Variants in COL4A6 observed in about 807,000 individuals in gnomAD.
COL4A6 encodes the protein collagen type IV alpha 6 chain, also known as collagen alpha-6(IV) chain.
A neutral mutation model predicts 126.7 loss-of-function variants in COL4A6; 59 were observed. The ratio of observed to expected loss-of-function variants is 0.47; its 90% CI spans 0.38 to 0.58. The LOEUF (loss-of-function observed/expected upper bound fraction) is 0.58. Ranked by LOEUF, COL4A6 falls within the 20% of genes least tolerant of loss-of-function variation. The probability of loss-of-function intolerance (pLI) is 0.00; values close to 1 mark genes in which losing one functional copy is unlikely to be tolerated. For synonymous variants in COL4A6, 547 were observed against 496.6 expected, an observed-to-expected ratio of 1.10 and a Z score of -1.35; for missense variants, 1,285 against 1,337.3, an observed-to-expected ratio of 0.96 and a Z score of 0.61.
chrX:108,280,963 C>G (rs1185963320), intron 3 of COL4A6, among the ~76,000 whole-genome samples: 2 of 111,114 alleles, frequency 1.8e-5, no homozygotes, highest in Admixed American at 9.6e-5. Context: ...GCTAAAAACT[C>G]TCAATAAATT....
chrX:108,425,725 CACACACAA>C (rs1349353103), intron 2 of COL4A6, among the ~76,000 whole-genome samples: 15 of 105,864 alleles, frequency 1.4e-4, no homozygotes, highest in Middle Eastern at 4.9e-3. Flanking sequence ...CAGCACAACA[CACACACAA>C]ACACACACAC....
intron 2 of COL4A6, among the ~76,000 whole-genome samples, chrX:108,395,347 T>C (rs2040941228): frequency 8.9e-6 from 1 of 111,914 alleles, no homozygotes; most frequent in African/African-American, 3.2e-5. Flanking sequence ...GGCTATTCTC[T>C]ATGACAGCAG....
intron 2 of COL4A6, among the ~76,000 whole-genome samples, chrX:108,382,785 A>G (rs1375519224): frequency 9.2e-6 from 1 of 108,720 alleles, no homozygotes; most frequent in Non-Finnish European, 1.9e-5. Context: ...CGCCTCTACT[A>G]AAAATACAAA....
chrX:108,353,838 G>A (rs772360297), intron 2 of COL4A6, among the ~76,000 whole-genome samples: 3 of 112,376 alleles, frequency 2.7e-5, no homozygotes, highest in African/African-American at 9.7e-5. Flanking sequence ...TGACAAGGAG[G>A]CACCATTAAA....
chrX:108,409,811 T>C (rs1289113906), intron 2 of COL4A6, among the ~76,000 whole-genome samples: 1 of 111,797 alleles, frequency 8.9e-6, no homozygotes, highest in Non-Finnish European at 1.9e-5. Flanking sequence ...TGGTATTAGA[T>C]GATCAAGGGT....
chrX:108,366,689 C>T (rs1350031186), intron 2 of COL4A6, among the ~76,000 whole-genome samples: 7 of 111,872 alleles, frequency 6.3e-5, no homozygotes, highest in Non-Finnish European at 1.3e-4. Flanking sequence ...ATGATAGCAT[C>T]AAACTCTGCT....
At chrX:108,203,028 A>G in intron 12 of COL4A6, 47 bp from the exon 13 acceptor site, 1 of 1,068,697 alleles carries the variant, frequency 9.4e-7, no homozygotes, top group Admixed American at 2.2e-5. Flanking sequence ...GAAGCAGTGA[A>G]CGCACAGTAG....
rs766831013 is a variant in COL4A6, at chrX:108,250,589, C to G, written c.145-29215G>C. 6.3e-4 allele frequency among the ~76,000 whole-genome samples: 70 copies of G among 110,314 alleles called. 2 individuals carry two copies. The highest frequency in any genetic ancestry group is 5.2e-3 in the Admixed American group (54 of 10,436). ...CTCGGGAGGACAGGGCCCTTTGTCTCGAAAATCCCTCCCTCCACAATACAA... is the reference window on the plus strand; with the variant it reads ...CTCGGGAGGACAGGGCCCTTTGTCTGGAAAATCCCTCCCTCCACAATACAA... On this transcript the variant is annotated intron_variant, in intron 3 of 44. Transcript: ENST00000334504.
At chrX:108,183,668 G>T in intron 23 of COL4A6, 1 of 792,347 alleles carries the variant, frequency 1.3e-6, no homozygotes, top group Non-Finnish European at 1.6e-6. Flanking sequence ...AACAAAAAAG[G>T]GGTGTTTAGC....
In COL4A6 at chrX:108,179,423, C is replaced by A; in HGVS notation, c.2147G>T (p.Arg716Leu). ...LPELPGFPGPRGEKGLPGFPG... is the reference protein window; with the variant it reads ...LPELPGFPGPLGEKGLPGFPG... ...AAACCCAGGCAAGCCCTTCTCCCCA[C>A]GAGGTCCAGGAAATCCTAAACGTAA... Residue 716 changes from arginine to leucine, a missense_variant, in exon 26 of 45, where the codon CGT (arginine) becomes CTT (leucine). Arg to Leu is a moderately radical substitution (Grantham distance 102, BLOSUM62 -2). Coordinates refer to ENST00000334504, the MANE Select transcript of COL4A6 (RefSeq NM_033641.4). 8.3e-7 allele frequency: 1 copy of A among 1,203,038 alleles called. No individual in the cohort carries two copies. The highest frequency in any genetic ancestry group is 1.8e-5 in the South Asian group (1 of 55,433).
At chrX:108,429,974 C>T (rs1449425930) in intron 2 of COL4A6, among the ~76,000 whole-genome samples, 1 of 111,663 alleles carries the variant, frequency 9.0e-6, no homozygotes, top group African/African-American at 3.3e-5. Context: ...TATGCTCAGC[C>T]TGGCAGTATC....
rs192814600 is a variant in COL4A6 at position 108,338,406 on chromosome X, T to A, written c.64-27578A>T. Among the ~76,000 whole-genome samples the A allele has an allele frequency of 2.3e-3, 257 of 111,856 alleles. 2 individuals are homozygous for A. Among genetic ancestry groups the A allele is most frequent in the African/African-American group, 6.7e-3 (206 of 30,848 alleles). On this transcript the variant is annotated intron_variant, in intron 2 of 44. Coordinates refer to ENST00000334504, the MANE Select transcript of COL4A6 (RefSeq NM_033641.4). ...GTAGAGAGGTCAGAACAAGGAATAGTCTTGGGAATGAAGACTTGTAATCTT... is the reference window on the plus strand; with the variant it reads ...GTAGAGAGGTCAGAACAAGGAATAGACTTGGGAATGAAGACTTGTAATCTT...
Position 108,178,699 on chromosome X carries a change from A to T in COL4A6, c.2500T>A (p.Phe834Ile), listed in dbSNP as rs1231997219. 3 of 1,209,641 alleles carry T rather than the reference A, an allele frequency of 2.5e-6. No homozygotes were observed. The change falls in exon 27 of 45, where the codon TTC becomes ATC. Residue 834 changes from phenylalanine to isoleucine, a missense_variant. Phe to Ile is a conservative substitution (Grantham distance 21). Transcript: ENST00000334504. ...AAGGACCTACCTGAGATGCCTGGGA[A>T]GCCTGGTGCTCCTGGGAGCCCAGAT... ...GKSGLPGAPG[F>I]PGISGHPGKK...
chrX:108,161,602 A>AAT lies in COL4A6; in HGVS notation c.4333+16_4333+17insAT. ...CCATCCCCGCCCCGCCCGCCTCCTA[A>AAT]TGTGGCATCATCAGACCTTCAAATC... On this transcript the variant is annotated intron_variant, in intron 42 of 44. Transcript: ENST00000334504. The AAT allele has an allele frequency of 2.2e-6, 2 of 907,839 alleles. No individual in the cohort carries two copies. The highest frequency in any genetic ancestry group is 3.0e-6 in the Non-Finnish European group (2 of 664,913). The allele number at this position is 907,839 out of a possible 1,213,427, so 74.8% of individuals were successfully genotyped here. A position where few individuals can be genotyped will look rare whatever the true frequency, so the allele number is the denominator to read the frequency against.
intron 2 of COL4A6, among the ~76,000 whole-genome samples, chrX:108,421,987 G>T (rs2063988338): frequency 8.9e-6 from 1 of 112,015 alleles, no homozygotes; most frequent in Admixed American, 9.5e-5. Flanking sequence ...TAGAAAAATG[G>T]CTACATAGCA....
chrX:108,247,059 GTCTGTTCC>G (rs1262075310), intron 3 of COL4A6, among the ~76,000 whole-genome samples: 3 of 111,189 alleles, frequency 2.7e-5, no homozygotes, highest in Non-Finnish European at 3.8e-5. Flanking sequence ...ATAGGTTCTA[GTCTGTTCC>G]TCTGTTCCTC....
intron 3 of COL4A6, among the ~76,000 whole-genome samples, chrX:108,287,906 C>A (rs946134970): frequency 9.0e-6 from 1 of 111,719 alleles, no homozygotes; most frequent in African/African-American, 3.3e-5. Context: ...AAGCTGGGGT[C>A]ATCATAGGGC....
intron 41 of COL4A6, among the ~76,000 whole-genome samples, chrX:108,162,390 GGAAGAAGAAAA>G (rs1358135280): frequency 5.6e-5 from 6 of 106,328 alleles, no homozygotes; most frequent in Non-Finnish European, 9.8e-5. Context: ...AGGAGGAGGA[GGAAGAAGAAAA>G]GAAGAAGAAG....
At chrX:108,397,187 G>A (rs1267764767) in intron 2 of COL4A6, among the ~76,000 whole-genome samples, 1 of 111,319 alleles carries the variant, frequency 9.0e-6, no homozygotes, top group African/African-American at 3.3e-5. Flanking sequence ...ATCTACATAA[G>A]AACAGTATGT....
Sources: allele counts gnomAD v4.1 joint callset (sites outside exome capture counted in the v4.1 genomes callset), GRCh38; gene constraint gnomAD v4.1.1; transcripts MANE v1.5; gene names NCBI Gene and HGNC (gene_info 2026-07-23, HGNC 2026-07-21).